Variants in TVP23C observed in about 807,000 individuals in gnomAD.
The protein encoded by TVP23C is trans-golgi network vesicle protein 23 homolog C.
TVP23C carries 19 observed loss-of-function variants against 28.7 expected under a neutral mutation model. The observed-to-expected ratio is 0.66, with a 90% CI of 0.46 to 0.97. The LOEUF (loss-of-function observed/expected upper bound fraction) is 0.97. TVP23C is among the 50% of genes least tolerant of loss of function. The pLI is 0.00. For missense variants in TVP23C, 186 were observed against 241.3 expected (o/e 0.77, Z 1.52); for synonymous variants, 68 against 81.7 (o/e 0.83, Z 0.90).
At chr17:15,562,073 C>T (rs993131217) in intron 1 of TVP23C, 5 of 152,318 alleles carry the variant, frequency 3.3e-5, no homozygotes, top group Admixed American at 2.0e-4. Context: ...CCCTTATTAA[C>T]CATATCACTA....
At chr17:15,506,008 G>A (rs8064369) in intron 5 of TVP23C, among the ~76,000 whole-genome samples, 3,178 of 152,300 alleles carry the variant, frequency 0.021, 119 homozygotes, top group African/African-American at 0.07. Flanking sequence ...AAGCCTCCCC[G>A]ACGAGCGCCA....
At chr17:15,524,203 T>A (rs977335565) in intron 5 of TVP23C, among the ~76,000 whole-genome samples, 1 of 152,010 alleles carries the variant, frequency 6.6e-6, no homozygotes, top group South Asian at 2.1e-4. Context: ...AAAATTAGCA[T>A]GACCTTCCTT....
In TVP23C at chr17:15,540,074, C is replaced by T. The variant is rs1382146213; in HGVS notation, c.*338G>A. On this transcript the variant is annotated 3_prime_UTR_variant, in exon 6 of 6. Coordinates refer to ENST00000518321, the MANE Select transcript of TVP23C (RefSeq NM_001135036.2). ...CACCACTGCACTCCAGCCTGGGCGA[C>T]AGAGCAAAACTCTGTCTCAAAAAAT... is the stretch of plus-strand genomic sequence containing the variant. The T allele has an allele frequency of 8.9e-7, 1 of 1,118,462 alleles. No individual in the cohort carries two copies. The highest frequency in any genetic ancestry group is 1.7e-5 in the African/African-American group (1 of 59,622). 69.3% of individuals were successfully genotyped at this position (1,118,462 alleles called of 1,614,324 possible).
At chr17:15,534,578 T>C (rs1213503067), downstream of TVP23C, among the ~76,000 whole-genome samples, 2 of 125,160 alleles carry the variant, frequency 1.6e-5, no homozygotes, top group African/African-American at 7.5e-5. Context: ...CCATCACTTC[T>C]ACACACACAC....
Position 15,538,270 on chromosome 17 carries a change from C to T in TVP23C, c.*2142G>A, listed in dbSNP as rs1209159822. ...TATTTCTAAGCAGAGCATTACCTTACATACAATGGCCCAATCACATTAAAA... is the reference window on the plus strand; with the variant it reads ...TATTTCTAAGCAGAGCATTACCTTATATACAATGGCCCAATCACATTAAAA... On this transcript the variant is annotated 3_prime_UTR_variant, in exon 6 of 6. Transcript: ENST00000518321. The T allele has an allele frequency of 6.5e-7, 1 of 1,528,498 alleles. No homozygotes were observed. The highest frequency in any genetic ancestry group is 8.8e-7 in the Non-Finnish European group (1 of 1,139,462). The allele number at this position is 1,528,498 out of a possible 1,614,324, so 94.7% of individuals were successfully genotyped here.
chr17:15,559,302 T>A (rs1597551343), intron 1 of TVP23C, among the ~76,000 whole-genome samples: 1 of 116,836 alleles, frequency 8.6e-6, no homozygotes, highest in Non-Finnish European at 1.7e-5. Flanking sequence ...CTGCTGTAAG[T>A]GGTACAGATT....
chr17:15,504,584 A>G (rs183932748), intron 5 of TVP23C, among the ~76,000 whole-genome samples: 106 of 152,106 alleles, frequency 7.0e-4, no homozygotes, highest in Non-Finnish European at 1.2e-3. Flanking sequence ...TTTTTAAGAG[A>G]CAGGGTCTCG....
downstream of TVP23C, among the ~76,000 whole-genome samples, chr17:15,535,783 T>C (rs1467430221): frequency 4.6e-5 from 7 of 152,202 alleles, no homozygotes; most frequent in Non-Finnish European, 5.9e-5. Context: ...GAAATAATCA[T>C]GGATAATGCT....
In TVP23C at chr17:15,538,447, A is replaced by T; in HGVS notation, c.*1965T>A. The stretch of plus-strand genomic sequence containing the variant: ...CTACTAAAAATACAAAAAATTAGCC[A>T]GGCGTGGTGGCGGGCGCCTGCAATC... On this transcript the variant is annotated 3_prime_UTR_variant, in exon 6 of 6. Coordinates refer to ENST00000518321, the MANE Select transcript of TVP23C (RefSeq NM_001135036.2). The T allele has an allele frequency of 1.4e-6, 1 of 702,352 alleles. No individual in the cohort carries two copies. The highest frequency in any genetic ancestry group is 1.7e-6 in the Non-Finnish European group (1 of 571,906). The allele number at this position is 702,352 out of a possible 1,614,324, so 43.5% of individuals were successfully genotyped here. A position where few individuals can be genotyped will look rare whatever the true frequency, so the allele number is the denominator to read the frequency against.
At chr17:15,518,754 C>T (rs1034992445) in intron 5 of TVP23C, among the ~76,000 whole-genome samples, 1 of 152,102 alleles carries the variant, frequency 6.6e-6, no homozygotes, top group Non-Finnish European at 1.5e-5. Context: ...TGATGTCTGC[C>T]CAGAATACAA....
At chr17:15,502,846 C>T (rs1981532240) in exon 6 of TVP23C, 1 of 1,552,488 alleles carries the variant, frequency 6.4e-7, no homozygotes, top group Non-Finnish European at 8.7e-7. Context: ...CGAGGAGCTT[C>T]AGATTTGTGG....
At chr17:15,552,843 C>T (rs1008426490) in intron 3 of TVP23C, among the ~76,000 whole-genome samples, 1 of 151,288 alleles carries the variant, frequency 6.6e-6, no homozygotes, top group Admixed American at 6.6e-5. Flanking sequence ...CGAACACACA[C>T]AGTTAAATTT....
At chr17:15,546,671 T>C (rs947168551) in intron 4 of TVP23C, among the ~76,000 whole-genome samples, 2 of 147,802 alleles carry the variant, frequency 1.4e-5, no homozygotes, top group African/African-American at 5.0e-5. Context: ...TCCTTTTTCC[T>C]GCCCAGAAAT....
In TVP23C at chr17:15,558,542, G is replaced by A. The variant is rs115796087; in HGVS notation, c.13-3178C>T. Reference sequence around the variant, plus strand: ...CCTGGATTACCCAGGCTGGTCAGATGACATGATTACAATGGTCCTTACAAG... The same window carrying A: ...CCTGGATTACCCAGGCTGGTCAGATAACATGATTACAATGGTCCTTACAAG... On this transcript the variant is annotated intron_variant, in intron 1 of 5. Coordinates refer to ENST00000518321, the MANE Select transcript of TVP23C (RefSeq NM_001135036.2). Among the ~76,000 whole-genome samples the A allele has an allele frequency of 2.3e-3, 346 of 148,432 alleles. 14 individuals are homozygous for A. The highest frequency in any genetic ancestry group is 8.4e-3 in the African/African-American group (339 of 40,532).
chr17:15,558,676 C>A (rs555374719), intron 1 of TVP23C, among the ~76,000 whole-genome samples: 2 of 147,952 alleles, frequency 1.4e-5, no homozygotes, highest in East Asian at 4.0e-4. Flanking sequence ...GGAAGGGATC[C>A]CAGGTGTTTA....
intron 5 of TVP23C, chr17:15,531,164 T>G (rs568885001): frequency 6.6e-6 from 1 of 152,244 alleles, no homozygotes; most frequent in Non-Finnish European, 1.5e-5. Context: ...TGATGAGTGG[T>G]AGGCATTTAA....
chr17:15,553,598 G>T (rs1983992215), intron 3 of TVP23C, 87 bp downstream of exon 3: 1 of 1,481,232 alleles, frequency 6.8e-7, no homozygotes, highest in Non-Finnish European at 9.0e-7. Flanking sequence ...AGTAACAAAA[G>T]ATTAACAATA....
chr17:15,533,218 T>C (rs1469903515), downstream of TVP23C, among the ~76,000 whole-genome samples: 3 of 152,232 alleles, frequency 2.0e-5, no homozygotes, highest in African/African-American at 7.2e-5. Flanking sequence ...TATCTAACTG[T>C]AATGTAACAG....
At chr17:15,519,858 C>T (rs1249215648) in intron 5 of TVP23C, among the ~76,000 whole-genome samples, 3 of 152,134 alleles carry the variant, frequency 2.0e-5, no homozygotes, top group Non-Finnish European at 2.9e-5. Context: ...GCCGAGATCG[C>T]GCCACTGCAC....
Sources: allele counts gnomAD v4.1 joint callset (sites outside exome capture counted in the v4.1 genomes callset), GRCh38; gene constraint gnomAD v4.1.1; transcripts MANE v1.5; gene names NCBI Gene and HGNC (gene_info 2026-07-23, HGNC 2026-07-21).